The following TFDP2 variants were observed in gnomAD, a reference collection of about 807,000 sequenced individuals.
The protein encoded by TFDP2 is transcription factor Dp-2 (E2F dimerization partner 2).
A neutral mutation model predicts 59.3 loss-of-function variants in TFDP2; 17 were observed. The observed-to-expected ratio is 0.29, with a 90% CI of 0.20 to 0.43. The LOEUF (loss-of-function observed/expected upper bound fraction) is 0.43, where lower values mean the gene tolerates loss of function less well. Among genes scored for constraint, TFDP2 ranks in the 20% least tolerant of loss-of-function variants. TFDP2 has a pLI of 1.00. For missense variants in TFDP2, 391 were observed against 528.8 expected (o/e 0.74, Z 2.56); for synonymous variants, 180 against 194.7 (o/e 0.92, Z 0.63).
intron 3 of TFDP2, among the ~76,000 whole-genome samples, chr3:142,076,355 C>T (rs185496159): frequency 3.9e-5 from 6 of 152,218 alleles, no homozygotes; most frequent in Admixed American, 3.9e-4. Context: ...GCTGTGGTAC[C>T]ATTTATCAGA....
chr3:142,071,532 T>C (rs2060249277), intron 3 of TFDP2, among the ~76,000 whole-genome samples: 1 of 152,180 alleles, frequency 6.6e-6, no homozygotes. Flanking sequence ...TTTTACAACA[T>C]GAAAAGATTT....
rs111858234 is a variant in TFDP2 at position 141,980,698 on chromosome 3, G to T, written c.357-2016C>A. 5.7e-3 allele frequency among the ~76,000 whole-genome samples: 869 copies of T among 151,940 alleles called. 13 individuals are homozygous for T. The highest frequency in any genetic ancestry group is 0.02 in the African/African-American group (820 of 41,404). On this transcript the variant is annotated intron_variant, in intron 6 of 12. Transcript: ENST00000489671. ...TTACAGGCGCCTACCCCCATGACTG[G>T]CTAATTTTTGTAGTTTTAGTAGAGA...
intron 3 of TFDP2, among the ~76,000 whole-genome samples, chr3:142,048,975 G>T (rs768214009): frequency 6.6e-6 from 1 of 152,176 alleles, no homozygotes; most frequent in East Asian, 1.9e-4. Flanking sequence ...CTTGAAGAAG[G>T]TTCTGAGGAT....
intron 3 of TFDP2, among the ~76,000 whole-genome samples, chr3:142,056,056 C>T (rs372001387): frequency 2.2e-4 from 30 of 134,906 alleles, no homozygotes; most frequent in African/African-American, 8.2e-4. Context: ...CAGGTTCAAG[C>T]GATTCTCCTG....
chr3:142,034,717 CTTTT>C (rs34863684), intron 3 of TFDP2, among the ~76,000 whole-genome samples: 1 of 110,656 alleles, frequency 9.0e-6, no homozygotes, highest in Non-Finnish European at 1.9e-5. Context: ...CTTCTCTTGG[CTTTT>C]TTTTTTTTTT....
chr3:142,085,459 A>G (rs1418126250), intron 3 of TFDP2, among the ~76,000 whole-genome samples: 1 of 152,172 alleles, frequency 6.6e-6, no homozygotes, highest in African/African-American at 2.4e-5. Flanking sequence ...TTAGAAATAA[A>G]TATGATTATA....
intron 1 of TFDP2, among the ~76,000 whole-genome samples, chr3:142,133,758 A>G (rs2062603528): frequency 6.6e-6 from 1 of 152,056 alleles, no homozygotes; most frequent in South Asian, 2.1e-4. Context: ...GCAGCCTCCC[A>G]AAGTGCTGGG....
chr3:142,036,258 G>A (rs542459104), intron 3 of TFDP2, among the ~76,000 whole-genome samples: 13 of 152,180 alleles, frequency 8.5e-5, no homozygotes, highest in African/African-American at 2.9e-4. Flanking sequence ...ACAATTCCAG[G>A]TGCATGACTT....
At chr3:142,025,227 A>G (rs1482385544) in intron 3 of TFDP2, among the ~76,000 whole-genome samples, 1 of 152,190 alleles carries the variant, frequency 6.6e-6, no homozygotes, top group Admixed American at 6.5e-5. Flanking sequence ...TAAATCAACA[A>G]TATAATATAG....
chr3:142,027,067 T>TA (rs760166260), intron 3 of TFDP2, among the ~76,000 whole-genome samples: 127 of 65,434 alleles, frequency 1.9e-3, no homozygotes, highest in Non-Finnish European at 2.7e-3. Flanking sequence ...TGTCTAGTGA[T>TA]AAACTTTTGC....
rs770646985 is a variant in TFDP2, at chr3:141,993,548, A to T, written c.346T>A (p.Phe116Ile). 6.3e-7 allele frequency: 1 copy of T among 1,582,418 alleles called. No individual in the cohort carries two copies. The highest frequency in any genetic ancestry group is 1.1e-5 in the South Asian group (1 of 87,034). Residue 116 changes from phenylalanine (F) to isoleucine (I), a missense_variant, in exon 6 of 13, where the codon TTT (phenylalanine) becomes ATT (isoleucine). Physicochemically the swap from Phe to Ile is conservative, Grantham distance 21. This residue lies in a region of TFDP2 where 162 missense variants were observed against 206.8 expected (regional missense o/e 0.78). Transcript: ENST00000489671. Reference sequence around the variant, plus strand: ...TAGACTTATACTCACCTTTCTGAAAAATCAGAGTCTATAAATTTTCTAGCC... The same window carrying T: ...TAGACTTATACTCACCTTTCTGAAATATCAGAGTCTATAAATTTTCTAGCC... ...KRARKFIDSD[F>I]SESKRSKKGD...
At chr3:142,073,122 G>C (rs908494767) in intron 3 of TFDP2, among the ~76,000 whole-genome samples, 1 of 152,224 alleles carries the variant, frequency 6.6e-6, no homozygotes, top group Non-Finnish European at 1.5e-5. Context: ...CCAGGCTGGA[G>C]TGCAGTGGCA....
intron 3 of TFDP2, among the ~76,000 whole-genome samples, chr3:142,023,863 G>A (rs1481266981): frequency 6.6e-6 from 1 of 152,074 alleles, no homozygotes; most frequent in Non-Finnish European, 1.5e-5. Context: ...GAGTGCAGTG[G>A]CATGATCTCC....
intron 1 of TFDP2, among the ~76,000 whole-genome samples, chr3:142,114,482 C>G (rs763490720): frequency 3.9e-4 from 60 of 152,108 alleles, no homozygotes; most frequent in Non-Finnish European, 7.9e-4. Context: ...TGCATACGCT[C>G]CTCATCCACT....
intron 1 of TFDP2, among the ~76,000 whole-genome samples, chr3:142,134,036 G>T (rs2062618799): frequency 7.4e-6 from 1 of 134,464 alleles, no homozygotes; most frequent in South Asian, 2.4e-4. Flanking sequence ...TCTGTCTCCA[G>T]AAAAGAAAAA....
At chr3:142,080,556 C>A (rs768074016) in intron 3 of TFDP2, among the ~76,000 whole-genome samples, 4 of 152,058 alleles carry the variant, frequency 2.6e-5, no homozygotes, top group Non-Finnish European at 4.4e-5. Context: ...CATAGAGTGG[C>A]TGAATGGATA....
chr3:141,968,405 T>TATATATAACATATATATAAC (rs1559937127), intron 9 of TFDP2, among the ~76,000 whole-genome samples: 2 of 78,930 alleles, frequency 2.5e-5, no homozygotes, highest in African/African-American at 8.4e-5. Context: ...ATATATATCA[T>TATATATAACATATATATAAC]ATATATAACA....
rs191705044 is a variant in TFDP2, at chr3:142,050,405, G to A, written c.82+42656C>T. On this transcript the variant is annotated intron_variant, in intron 3 of 12. Coordinates refer to ENST00000489671, the MANE Select transcript of TFDP2 (RefSeq NM_001178139.2). The stretch of plus-strand genomic sequence containing the variant: ...GTTTTCTCTTCTAGCCTTTCTATAT[G>A]CTCCCAGTGGCGGGACACGGTGGCT... Among the ~76,000 whole-genome samples, 29 of 151,774 alleles carry A rather than the reference G, an allele frequency of 1.9e-4. No individual in the cohort carries two copies. In the East Asian group the frequency reaches 5.6e-3, roughly 29 times the overall value.
At chr3:142,108,934 G>A (rs2061562327) in intron 1 of TFDP2, among the ~76,000 whole-genome samples, 1 of 152,158 alleles carries the variant, frequency 6.6e-6, no homozygotes, top group Non-Finnish European at 1.5e-5. Context: ...CCTTTCTCAA[G>A]TGTCACTTCC....
Sources: allele counts gnomAD v4.1 joint callset (sites outside exome capture counted in the v4.1 genomes callset), GRCh38; gene constraint gnomAD v4.1.1; regional missense constraint gnomAD v4.1.1; transcripts MANE v1.5; gene names NCBI Gene and HGNC (gene_info 2026-07-23, HGNC 2026-07-21).